Variants in AP2A1 observed in about 807,000 individuals in gnomAD.
The protein encoded by AP2A1 is AP-2 complex subunit alpha-1.
In AP2A1, 21 loss-of-function variants were observed where a neutral mutation model predicts 107.3. That is an observed-to-expected ratio of 0.20 (90% CI 0.14 to 0.28). The LOEUF (loss-of-function observed/expected upper bound fraction) is 0.28. Among genes scored for constraint, AP2A1 ranks in the 10% least tolerant of loss-of-function variants. The pLI is 1.00. For synonymous variants in AP2A1, 602 were observed against 564.8 expected, an observed-to-expected ratio of 1.07 and a Z score of -0.93; for missense variants, 873 against 1,307.7, an observed-to-expected ratio of 0.67 and a Z score of 5.13.
At chr19:49,801,164 T>A in intron 12 of AP2A1, 106 bp downstream of exon 12, 1 of 1,173,350 alleles carries the variant, frequency 8.5e-7, no homozygotes, top group Non-Finnish European at 1.2e-6. Context: ...GCTCCCATCC[T>A]CTCGGCCTCC....
At position 49,805,670 on chromosome 19, in the gene AP2A1, C is replaced by T. The variant is rs1215858056; in HGVS notation, c.2478C>T (p.Gly826=). 12 of 1,561,564 alleles carry T rather than the reference C, an allele frequency of 7.7e-6. No individual in the cohort carries two copies. The highest frequency in any genetic ancestry group is 1.2e-5 in the South Asian group (1 of 84,670). Residue 826 remains glycine, a synonymous_variant, in exon 20 of 23, where the codon GGC becomes GGT. Coordinates refer to ENST00000354293, the MANE Select transcript of AP2A1 (RefSeq NM_130787.3). ...CCTTTCACCTCATCAGGTACGGTGG[C>T]GCCCCCCAGGCCCTCACCCTGAAGC... ...PLLSVRFRYG[G]APQALTLKLP...
chr19:49,779,664 T>C (rs1215084944), intron 1 of AP2A1, among the ~76,000 whole-genome samples: 2 of 152,212 alleles, frequency 1.3e-5, no homozygotes, highest in South Asian at 2.1e-4. Context: ...GGTCTCCAAC[T>C]CCTGGGCTCA....
intron 1 of AP2A1, among the ~76,000 whole-genome samples, chr19:49,779,125 A>G (rs1420362721): frequency 6.6e-6 from 1 of 151,902 alleles, no homozygotes; most frequent in Non-Finnish European, 1.5e-5. Flanking sequence ...TCACGAGGTC[A>G]GGAGATTGAG....
chr19:49,777,639 A>C (rs1471919510), intron 1 of AP2A1, among the ~76,000 whole-genome samples: 1 of 151,630 alleles, frequency 6.6e-6, no homozygotes, highest in Non-Finnish European at 1.5e-5. Flanking sequence ...CATCACAAAA[A>C]AAAAAAAAAA....
chr19:49,776,793 C>G (rs1212390783), intron 1 of AP2A1, among the ~76,000 whole-genome samples: 1 of 152,204 alleles, frequency 6.6e-6, no homozygotes, highest in Non-Finnish European at 1.5e-5. Flanking sequence ...GGGCCTCTGC[C>G]AGAGCCCTCC....
chr19:49,806,945 G>T lies in AP2A1; in HGVS notation c.*187G>T, dbSNP rs917075981. 6.5e-7 allele frequency: 1 copy of T among 1,533,892 alleles called. No individual in the cohort carries two copies. The highest frequency in any genetic ancestry group is 8.7e-7 in the Non-Finnish European group (1 of 1,146,720). On this transcript the variant is annotated 3_prime_UTR_variant, in exon 23 of 23. Coordinates refer to ENST00000354293, the MANE Select transcript of AP2A1 (RefSeq NM_130787.3). ...TCTGCTGCTGTTTACATTCTGGGGG[G>T]TTAGGGGGAGTCCCCCTCCCTCCCT...
intron 7 of AP2A1, chr19:49,796,097 T>C (rs2073210614): frequency 7.7e-6 from 2 of 260,824 alleles, no homozygotes; most frequent in Admixed American, 1.0e-4. Flanking sequence ...CAGTGGGTGA[T>C]TCCAGGCCGT....
intron 15 of AP2A1, 197 bp from the exon 16 acceptor site, chr19:49,802,752 C>G (rs1458879434): frequency 3.0e-6 from 3 of 1,002,356 alleles, no homozygotes; most frequent in Admixed American, 5.4e-5. Context: ...TCTGCCGATG[C>G]GGGGGCACGG....
At chr19:49,770,832 G>A (rs1359581046) in intron 1 of AP2A1, among the ~76,000 whole-genome samples, 6 of 152,054 alleles carry the variant, frequency 3.9e-5, no homozygotes, top group Non-Finnish European at 7.4e-5. Context: ...GATGGGGAGT[G>A]ACTGCTCATG....
At chr19:49,802,342 C>T in intron 15 of AP2A1, 2 of 846,082 alleles carry the variant, frequency 2.4e-6, no homozygotes, top group South Asian at 2.9e-5. Context: ...CTCTGGACTC[C>T]GCCGACCCTG....
intron 7 of AP2A1, chr19:49,795,991 A>C: frequency 2.0e-6 from 1 of 512,758 alleles, no homozygotes; most frequent in African/African-American, 1.9e-5. Flanking sequence ...CTCTCACTCC[A>C]GCCCTGTTGC....
At chr19:49,776,268 T>A (rs545454772) in intron 1 of AP2A1, among the ~76,000 whole-genome samples, 2 of 152,108 alleles carry the variant, frequency 1.3e-5, no homozygotes, top group South Asian at 4.1e-4. Context: ...CCTCATGCTG[T>A]CCTACCTCCA....
intron 1 of AP2A1, among the ~76,000 whole-genome samples, chr19:49,780,405 G>A (rs2084662229): frequency 6.6e-6 from 1 of 152,214 alleles, no homozygotes; most frequent in Non-Finnish European, 1.5e-5. Flanking sequence ...CAGGAAGAGG[G>A]CACAGCTTGT....
At chr19:49,805,316 A>T in intron 18 of AP2A1, 137 bp from the exon 19 acceptor site, 1 of 1,053,410 alleles carries the variant, frequency 9.5e-7, no homozygotes, top group Non-Finnish European at 1.3e-6. Context: ...TGAACCTTGT[A>T]GGATTGAGTC....
At chr19:49,783,276 T>G (rs1428132107) in intron 4 of AP2A1, among the ~76,000 whole-genome samples, 3 of 151,956 alleles carry the variant, frequency 2.0e-5, no homozygotes, top group Non-Finnish European at 4.4e-5. Flanking sequence ...ATTGCTTGAG[T>G]CTAGGAGTTT....
intron 1 of AP2A1, among the ~76,000 whole-genome samples, chr19:49,769,773 C>T (rs1187875863): frequency 1.3e-5 from 2 of 152,122 alleles, no homozygotes; most frequent in African/African-American, 4.8e-5. Flanking sequence ...CTAGAGGTAG[C>T]CATGGAAGCA....
In AP2A1 at chr19:49,777,357, C is replaced by T. The variant is rs57466580; in HGVS notation, c.68-4400C>T. 3.6e-3 allele frequency among the ~76,000 whole-genome samples: 542 copies of T among 151,902 alleles called. 3 individuals are homozygous for T. The highest frequency in any genetic ancestry group is 0.012 in the African/African-American group (510 of 41,430). ...AATACTTTAAAAAGAGATTTCCAGC[C>T]GGGCGCGGTGGCTCATGCCTGTAAT... On this transcript the variant is annotated intron_variant, in intron 1 of 22. Coordinates refer to ENST00000354293, the MANE Select transcript of AP2A1 (RefSeq NM_130787.3).
At chr19:49,793,345 C>T (rs1282472288) in intron 6 of AP2A1, among the ~76,000 whole-genome samples, 1 of 152,212 alleles carries the variant, frequency 6.6e-6, no homozygotes, top group Non-Finnish European at 1.5e-5. Flanking sequence ...AGGCACAGAG[C>T]GCTGTGGATA....
Position 49,799,366 on chromosome 19 carries a change from C to G in AP2A1, c.1005C>G (p.Gly335=), listed in dbSNP as rs1165949518. Residue 335 remains glycine, a synonymous_variant, in exon 9 of 23, where the codon GGC becomes GGG. Coordinates refer to ENST00000354293, the MANE Select transcript of AP2A1 (RefSeq NM_130787.3). ...NLLVRACNQL[G]QFLQHRETNL... is the part of the protein sequence containing the mutation. ...TGGTTCGGGCCTGCAACCAGCTGGG[C>G]CAGTTCCTGCAGCACCGGGAGACCA... The G allele has an allele frequency of 6.2e-7, 1 of 1,612,018 alleles. No individual in the cohort carries two copies. Among genetic ancestry groups the G allele is most frequent in the Non-Finnish European group, 8.5e-7 (1 of 1,179,544 alleles).
Sources: gnomAD v4.1 joint callset for allele counts (sites outside exome capture counted in the v4.1 genomes callset) on GRCh38, gnomAD v4.1.1 for gene constraint, MANE v1.5 for transcripts, NCBI Gene and HGNC (gene_info 2026-07-23, HGNC 2026-07-21) for gene names.